The following TBL1X variants were observed in gnomAD, a reference collection of about 807,000 sequenced individuals.
TBL1X encodes F-box-like/WD repeat-containing protein TBL1X.
Under a neutral mutation model 50.7 loss-of-function variants are expected in TBL1X, and 10 were observed. That is an observed-to-expected ratio of 0.20 (90% CI 0.12 to 0.33). The LOEUF is 0.33. Ranked by LOEUF, TBL1X falls within the 10% of genes least tolerant of loss-of-function variation. The pLI is 1.00. For missense variants in TBL1X, 340 were observed against 504.4 expected, an observed-to-expected ratio of 0.67 and a Z score of 3.12; for synonymous variants, 190 against 214.7, an observed-to-expected ratio of 0.88 and a Z score of 1.01.
chrX:9,473,160 A>C (rs1249908211), intron 1 of TBL1X, among the ~76,000 whole-genome samples: 1 of 111,722 alleles, frequency 9.0e-6, no homozygotes, highest in African/African-American at 3.3e-5. Flanking sequence ...AGGTGCTATA[A>C]AAGTCCAGGT....
At chrX:9,583,397 T>C (rs1325675763) in intron 2 of TBL1X, among the ~76,000 whole-genome samples, 1 of 112,561 alleles carries the variant, frequency 8.9e-6, no homozygotes, top group Non-Finnish European at 1.9e-5. Context: ...TAAGGTCATA[T>C]TCACAGAGTC....
At chrX:9,656,442 C>T (rs763402917) in intron 5 of TBL1X, among the ~76,000 whole-genome samples, 5 of 112,768 alleles carry the variant, frequency 4.4e-5, no homozygotes, top group African/African-American at 9.7e-5. Context: ...CAGGGGGCCA[C>T]GGAGCATGAG....
intron 2 of TBL1X, among the ~76,000 whole-genome samples, chrX:9,583,480 T>C (rs1262054043): frequency 8.9e-6 from 1 of 112,048 alleles, no homozygotes; most frequent in African/African-American, 3.2e-5. Flanking sequence ...GGAATACAGA[T>C]TATCTTTGTG....
chrX:9,516,387 G>C (rs2082080911), intron 2 of TBL1X, among the ~76,000 whole-genome samples: 1 of 111,913 alleles, frequency 8.9e-6, no homozygotes, highest in Admixed American at 9.5e-5. Flanking sequence ...CAGCCCTTTA[G>C]AAGAGGGGAG....
chrX:9,642,392 G>A (rs2082780251), intron 3 of TBL1X, among the ~76,000 whole-genome samples: 1 of 111,596 alleles, frequency 9.0e-6, no homozygotes, highest in African/African-American at 3.3e-5. Context: ...TACTCTTTCT[G>A]CCTATGCTGC....
chrX:9,475,960 G>A (rs978483845), intron 1 of TBL1X, among the ~76,000 whole-genome samples: 1 of 112,328 alleles, frequency 8.9e-6, no homozygotes, highest in Non-Finnish European at 1.9e-5. Flanking sequence ...AGCAGTACTT[G>A]TAGATTTCCG....
chrX:9,591,665 G>A (rs2082500876), intron 2 of TBL1X, among the ~76,000 whole-genome samples: 1 of 111,616 alleles, frequency 9.0e-6, no homozygotes, highest in Non-Finnish European at 1.9e-5. Context: ...TGTGAGGGAG[G>A]CAGGCTTGGG....
At chrX:9,664,748 A>G (rs1393512295) in intron 5 of TBL1X, among the ~76,000 whole-genome samples, 2 of 111,807 alleles carry the variant, frequency 1.8e-5, no homozygotes, top group Non-Finnish European at 3.8e-5. Flanking sequence ...TGGCCACAAC[A>G]TATAATGCAT....
chrX:9,598,919 G>T (rs865854160), intron 2 of TBL1X, among the ~76,000 whole-genome samples: 53 of 96,091 alleles, frequency 5.5e-4, no homozygotes, highest in East Asian at 3.0e-3. Flanking sequence ...TTTTTTTTTT[G>T]TTTTGTTTTG....
chrX:9,533,988 G>T (rs537222596), intron 2 of TBL1X, among the ~76,000 whole-genome samples: 1 of 111,747 alleles, frequency 8.9e-6, no homozygotes, highest in Non-Finnish European at 1.9e-5. Flanking sequence ...TGCTTGGGCA[G>T]TGCTGAGCTC....
chrX:9,708,235 G>A (rs2083221800), intron 13 of TBL1X, among the ~76,000 whole-genome samples: 2 of 111,642 alleles, frequency 1.8e-5, no homozygotes, highest in Non-Finnish European at 3.8e-5. Context: ...TGGCCCCTGG[G>A]TACATTCATT....
chrX:9,621,841 T>A (rs979176174), intron 2 of TBL1X, among the ~76,000 whole-genome samples: 1 of 112,055 alleles, frequency 8.9e-6, no homozygotes, highest in East Asian at 2.8e-4. Context: ...GGCCTGAGAA[T>A]TTCTAAGTTT....
chrX:9,521,999 G>A (rs1601730455), intron 2 of TBL1X, among the ~76,000 whole-genome samples: 1 of 105,010 alleles, frequency 9.5e-6, no homozygotes, highest in Non-Finnish European at 2.0e-5. Context: ...ATTTATTTTT[G>A]TCTTTCTTCG....
intron 2 of TBL1X, among the ~76,000 whole-genome samples, chrX:9,592,851 C>T (rs1278183933): frequency 2.7e-5 from 3 of 112,370 alleles, no homozygotes; most frequent in Admixed American, 9.4e-5. Flanking sequence ...GTCACTCACA[C>T]GCACACACGT....
intron 2 of TBL1X, among the ~76,000 whole-genome samples, chrX:9,593,357 G>A (rs1193449610): frequency 2.7e-5 from 3 of 109,953 alleles, no homozygotes; most frequent in Admixed American, 9.7e-5. Context: ...AGCTGATATC[G>A]CACCACTGCA....
intron 2 of TBL1X, among the ~76,000 whole-genome samples, chrX:9,531,354 GGTGTGTGTGTGTGT>G (rs57905343): frequency 2.2e-3 from 164 of 75,214 alleles, no homozygotes; most frequent in Middle Eastern, 8.4e-3. Context: ...GAACCTGGAG[GGTGTGTGTGTGTGT>G]GTGTGTGTGT....
chrX:9,542,815 T>C (rs2082221861), intron 2 of TBL1X, among the ~76,000 whole-genome samples: 1 of 111,778 alleles, frequency 8.9e-6, no homozygotes, highest in African/African-American at 3.3e-5. Flanking sequence ...TTGCAATGAG[T>C]ACGATTTTCC....
chrX:9,651,984 G>C (rs747821580), intron 3 of TBL1X, among the ~76,000 whole-genome samples: 1 of 112,169 alleles, frequency 8.9e-6, no homozygotes, highest in Admixed American at 9.5e-5. Flanking sequence ...CCGTGGCTGC[G>C]GGTCACGGGT....
chrX:9,589,520 C>T (rs185909002), intron 2 of TBL1X, among the ~76,000 whole-genome samples: 314 of 111,370 alleles, frequency 2.8e-3, no homozygotes, highest in African/African-American at 9.8e-3. Flanking sequence ...GCCTTCCGAT[C>T]GGAGTTTGCT....
Sources: gnomAD v4.1 joint callset for allele counts (sites outside exome capture counted in the v4.1 genomes callset) on GRCh38, gnomAD v4.1.1 for gene constraint, MANE v1.5 for transcripts, NCBI Gene and HGNC (gene_info 2026-07-23, HGNC 2026-07-21) for gene names.